The following ATP8B1 variants were observed in gnomAD, a reference collection of about 807,000 sequenced individuals.
The protein encoded by ATP8B1 is phospholipid-transporting ATPase IC.
ATP8B1 carries 80 observed loss-of-function variants against 149.9 expected under a neutral mutation model. The observed-to-expected ratio is 0.53, with a 90% CI of 0.45 to 0.64. The LOEUF (loss-of-function observed/expected upper bound fraction) is 0.64, where lower values mean the gene tolerates loss of function less well. ATP8B1 is among the 30% of genes least tolerant of loss of function. The probability of loss-of-function intolerance (pLI) is 0.00; values close to 1 mark genes in which losing one functional copy is unlikely to be tolerated. For missense variants in ATP8B1, 1,247 were observed against 1,552.6 expected, an observed-to-expected ratio of 0.80 and a Z score of 3.31; for synonymous variants, 536 against 562.8, an observed-to-expected ratio of 0.95 and a Z score of 0.67.
chr18:57,669,225 C>G lies in ATP8B1; in HGVS notation c.2097+93G>C, dbSNP rs1911079885. The stretch of plus-strand genomic sequence containing the variant: ...TCAAATGCTGAAGTTACAATTATCT[C>G]TTAAGCATGAGATCAAATATTCAAT... On this transcript the variant is annotated intron_variant, in intron 18 of 27. Transcript: ENST00000648908. The G allele has an allele frequency of 2.3e-6, 3 of 1,323,536 alleles. No homozygotes were observed. In the South Asian group the frequency reaches 4.4e-5, roughly 19 times the overall value. The allele number at this position is 1,323,536 out of a possible 1,614,324, so 82.0% of individuals were successfully genotyped here.
chr18:57,761,652 ATTT>A (rs909177430), intron 1 of ATP8B1, among the ~76,000 whole-genome samples: 1 of 141,684 alleles, frequency 7.1e-6, no homozygotes, highest in Non-Finnish European at 1.5e-5. Flanking sequence ...TTCTTTTCCT[ATTT>A]TTTTTTTTAA....
rs937625737 is a variant in ATP8B1 at position 57,668,139 on chromosome 18, T to C, written c.2209+290A>G. 2.9e-6 allele frequency: 4 copies of C among 1,362,374 alleles called. 1 individual carries two copies. Among genetic ancestry groups the C allele is most frequent in the Non-Finnish European group, 3.9e-6 (4 of 1,037,302 alleles). 84.4% of individuals were successfully genotyped at this position (1,362,374 alleles called of 1,614,324 possible). ...GACAGAGGGACAAGAGGGATGGCCC[T>C]TTCAGGACGGGAACCCACGTCTGGC... On this transcript the variant is annotated intron_variant, in intron 19 of 27. Coordinates refer to ENST00000648908, the MANE Select transcript of ATP8B1 (RefSeq NM_001374385.1).
chr18:57,665,295 G>T (rs1910780167), intron 20 of ATP8B1, among the ~76,000 whole-genome samples: 1 of 152,052 alleles, frequency 6.6e-6, no homozygotes, highest in Non-Finnish European at 1.5e-5. Context: ...CAATTTAAGA[G>T]CCACCTGGGA....
intron 15 of ATP8B1, among the ~76,000 whole-genome samples, chr18:57,677,492 G>GCAGCTGTTTATCTGC (rs139762207): frequency 3.3e-5 from 5 of 151,632 alleles, no homozygotes; most frequent in Non-Finnish European, 7.4e-5. Context: ...AGATGCATGA[G>GCAGCTGTTTATCTGC]CAGCCTCACT....
chr18:57,695,890 A>G (rs1274614611), intron 8 of ATP8B1, among the ~76,000 whole-genome samples: 1 of 152,258 alleles, frequency 6.6e-6, no homozygotes, highest in Non-Finnish European at 1.5e-5. Flanking sequence ...AAATGATTCT[A>G]TAACACATAT....
chr18:57,729,317 CT>C (rs1188167978), intron 2 of ATP8B1, among the ~76,000 whole-genome samples: 1 of 152,158 alleles, frequency 6.6e-6, no homozygotes, highest in Non-Finnish European at 1.5e-5. Context: ...CATCAGATAT[CT>C]ACATTTGGTA....
intron 2 of ATP8B1, among the ~76,000 whole-genome samples, chr18:57,715,294 G>T (rs758911492): frequency 1.3e-5 from 2 of 152,090 alleles, no homozygotes; most frequent in Non-Finnish European, 2.9e-5. Context: ...GAGCTGGAAG[G>T]TAAGCTATTG....
intron 1 of ATP8B1, among the ~76,000 whole-genome samples, chr18:57,799,013 A>G (rs2080546947): frequency 6.6e-6 from 1 of 152,250 alleles, no homozygotes; most frequent in Non-Finnish European, 1.5e-5. Context: ...TCATAGCAAC[A>G]ACACAACAAT....
At chr18:57,764,359 CTCTT>C (rs1198474959) in intron 1 of ATP8B1, among the ~76,000 whole-genome samples, 1,746 of 144,672 alleles carry the variant, frequency 0.012, 34 homozygotes, top group African/African-American at 0.041. Flanking sequence ...CTTTCTCTCC[CTCTT>C]TCTTTCTTTC....
chr18:57,738,530 C>T (rs2079881084), intron 1 of ATP8B1, among the ~76,000 whole-genome samples: 1 of 152,068 alleles, frequency 6.6e-6, no homozygotes. Flanking sequence ...GAGGCTGAGG[C>T]AGGAGAATTG....
intron 2 of ATP8B1, among the ~76,000 whole-genome samples, chr18:57,730,796 CAT>C (rs2079755022): frequency 2.2e-5 from 1 of 45,802 alleles, no homozygotes; most frequent in Non-Finnish European, 4.0e-5. Context: ...CTGGGCAGAC[CAT>C]ATACATATAT....
chr18:57,775,757 G>A (rs562796399), intron 1 of ATP8B1, among the ~76,000 whole-genome samples: 1 of 150,712 alleles, frequency 6.6e-6, no homozygotes, highest in Non-Finnish European at 1.5e-5. Context: ...CAATTCTCCT[G>A]CCTCAGCCTC....
chr18:57,677,819 C>CGATATAT (rs1423933380), intron 15 of ATP8B1, among the ~76,000 whole-genome samples: 2 of 151,850 alleles, frequency 1.3e-5, no homozygotes, highest in African/African-American at 4.8e-5. Context: ...GTTGGCACAG[C>CGATATAT]GATATATGGC....
At chr18:57,773,425 G>A (rs1420381509) in intron 1 of ATP8B1, among the ~76,000 whole-genome samples, 2 of 152,086 alleles carry the variant, frequency 1.3e-5, no homozygotes, top group African/African-American at 2.4e-5. Flanking sequence ...CACTTCATCC[G>A]GGCAGGGGGT....
At chr18:57,798,344 G>A (rs2123473350) in intron 1 of ATP8B1, among the ~76,000 whole-genome samples, 1 of 152,002 alleles carries the variant, frequency 6.6e-6, no homozygotes, top group African/African-American at 2.4e-5. Flanking sequence ...GGGAGGCCCA[G>A]GCAGGAGAAC....
intron 1 of ATP8B1, among the ~76,000 whole-genome samples, chr18:57,752,026 C>A (rs1168963009): frequency 2.6e-5 from 4 of 151,626 alleles, no homozygotes; most frequent in South Asian, 4.2e-4. Context: ...GGCAACATGG[C>A]GAAACCCTAT....
chr18:57,752,961 G>A (rs896567061), intron 1 of ATP8B1, among the ~76,000 whole-genome samples: 1 of 152,254 alleles, frequency 6.6e-6, no homozygotes, highest in Non-Finnish European at 1.5e-5. Context: ...CCAGATCTTA[G>A]CATTTGAATC....
intron 1 of ATP8B1, among the ~76,000 whole-genome samples, chr18:57,779,293 C>T (rs549583163): frequency 1.2e-3 from 183 of 148,918 alleles, no homozygotes; most frequent in African/African-American, 4.3e-3. Flanking sequence ...CCAGCCTGGG[C>T]GACAGAGTGA....
At chr18:57,658,666 TG>T (rs372973636) in intron 22 of ATP8B1, among the ~76,000 whole-genome samples, 11,039 of 147,786 alleles carry the variant, frequency 0.075, 597 homozygotes, top group East Asian at 0.25. Flanking sequence ...TGTGTGTGTG[TG>T]TTCTTTTTTG....
Sources: gnomAD v4.1 joint callset for allele counts (sites outside exome capture counted in the v4.1 genomes callset) on GRCh38, gnomAD v4.1.1 for gene constraint, MANE v1.5 for transcripts, NCBI Gene and HGNC (gene_info 2026-07-23, HGNC 2026-07-21) for gene names.